The following AOX1 variants were observed in gnomAD, a reference collection of about 807,000 sequenced individuals.
AOX1 encodes aldehyde oxidase 1.
AOX1 carries 153 observed loss-of-function variants against 169.5 expected under a neutral mutation model. That is an observed-to-expected ratio of 0.90 (90% CI 0.79 to 1.03). AOX1 has a LOEUF of 1.03. Among genes scored for constraint, AOX1 ranks in the 50% least tolerant of loss-of-function variants. The pLI is 0.00. For missense variants in AOX1, 1,656 were observed against 1,663.9 expected, an observed-to-expected ratio of 1.00 and a Z score of 0.08; for synonymous variants, 562 against 581.9, an observed-to-expected ratio of 0.97 and a Z score of 0.49.
At chr2:200,644,074 C>T (rs1313117474) in intron 25 of AOX1, among the ~76,000 whole-genome samples, 2 of 152,150 alleles carry the variant, frequency 1.3e-5, no homozygotes, top group South Asian at 2.1e-4. Context: ...TTAATTAGCT[C>T]CCAGCTATTT....
chr2:200,599,537 A>G lies in AOX1; in HGVS notation c.310-83A>G, dbSNP rs372127851. The G allele has an allele frequency of 1.3e-4, 146 of 1,110,654 alleles. No individual in the cohort carries two copies. The African/African-American group carries it at 2.1e-3, about 16-fold the overall frequency. The allele number at this position is 1,110,654 out of a possible 1,614,324, so 68.8% of individuals were successfully genotyped here. Reference sequence around the variant, plus strand: ...TAACATGCAGACAAATCACCTGGGGATCTTGCTAGAATGCAGGCTCTAATT... The same window carrying G: ...TAACATGCAGACAAATCACCTGGGGGTCTTGCTAGAATGCAGGCTCTAATT... On this transcript the variant is annotated intron_variant, in intron 4 of 34. Transcript: ENST00000374700.
rs2034941578 is a variant in AOX1 at position 200,623,844 on chromosome 2, G to T, written c.2002-17G>T. On this transcript the variant is annotated splice_polypyrimidine_tract_variant and intron_variant, in intron 18 of 34. Coordinates refer to ENST00000374700, the MANE Select transcript of AOX1 (RefSeq NM_001159.4). ...ATGCCTGCCCTCCTTGACAACAAAGGTCTTTCTGTGTCGTAGGTGTTCTGT... is the reference window on the plus strand; with the variant it reads ...ATGCCTGCCCTCCTTGACAACAAAGTTCTTTCTGTGTCGTAGGTGTTCTGT... 6.2e-7 allele frequency: 1 copy of T among 1,613,262 alleles called. No individual in the cohort carries two copies. Among genetic ancestry groups the T allele is most frequent in the East Asian group, 2.2e-5 (1 of 44,896 alleles).
intron 25 of AOX1, among the ~76,000 whole-genome samples, chr2:200,648,019 A>G (rs1395665026): frequency 1.3e-5 from 2 of 152,132 alleles, no homozygotes; most frequent in Non-Finnish European, 2.9e-5. Flanking sequence ...ATTTCTTTGA[A>G]TTGGGCTTTG....
At chr2:200,607,689 T>G (rs548840956) in intron 10 of AOX1, among the ~76,000 whole-genome samples, 1 of 152,288 alleles carries the variant, frequency 6.6e-6, no homozygotes, top group Non-Finnish European at 1.5e-5. Flanking sequence ...GCAGCACTAT[T>G]TACAATAGCA....
chr2:200,652,646 A>G (rs1478349500), intron 26 of AOX1, among the ~76,000 whole-genome samples: 1 of 152,142 alleles, frequency 6.6e-6, no homozygotes, highest in Non-Finnish European at 1.5e-5. Flanking sequence ...AAATCCTCTC[A>G]CGTTTGGCCG....
chr2:200,627,522 C>G, intron 20 of AOX1, 73 bp downstream of exon 20: 1 of 1,129,584 alleles, frequency 8.9e-7, no homozygotes, highest in Non-Finnish European at 1.3e-6. Flanking sequence ...CCTTTGTCTT[C>G]TGGAAATCAT....
At chr2:200,601,232 C>G (rs777655927) in intron 5 of AOX1, among the ~76,000 whole-genome samples, 1 of 151,880 alleles carries the variant, frequency 6.6e-6, no homozygotes, top group Non-Finnish European at 1.5e-5. Flanking sequence ...ACTACATGAG[C>G]CCACTTATAT....
At chr2:200,670,477 G>C in intron 34 of AOX1, 152 bp from the exon 35 acceptor site, 1 of 636,360 alleles carries the variant, frequency 1.6e-6, no homozygotes, top group Non-Finnish European at 2.8e-6. Flanking sequence ...TCCTCCCCTG[G>C]CTTCCTCTAT....
In AOX1 at chr2:200,609,610, TTTTG is replaced by T. The variant is rs367715404; in HGVS notation, c.1153+212_1153+215del. On this transcript the variant is annotated intron_variant, in intron 12 of 34. Coordinates refer to ENST00000374700, the MANE Select transcript of AOX1 (RefSeq NM_001159.4). ...TTTCTTCCCCTGTGTCTTTCTGGTTTTTTGTTTGTTTGTTTGTTTTTCCTCATAC... is the reference window on the plus strand; with the variant it reads ...TTTCTTCCCCTGTGTCTTTCTGGTTTTTTGTTTGTTTGTTTTTCCTCATAC... Among the ~76,000 whole-genome samples the T allele has an allele frequency of 2.9e-3, 449 of 152,298 alleles. 4 individuals are homozygous for T. The highest frequency in any genetic ancestry group is 0.01 in the African/African-American group (418 of 41,570).
At chr2:200,660,127 C>A in intron 29 of AOX1, 58 bp downstream of exon 29, 2 of 1,372,746 alleles carry the variant, frequency 1.5e-6, no homozygotes, top group Non-Finnish European at 2.1e-6. Flanking sequence ...GGGAGGAGAG[C>A]AAGAGCAATG....
rs770837985 is a variant in AOX1, at chr2:200,656,853, G to A, written c.3087G>A (p.Leu1029=). The part of the protein sequence containing the change: ...GSRAAGQAAA[L]VHIYLDGSVL... ...TCTTTTCTGCTCAGGCTGCTGCCTT[G>A]GTTCACATTTATCTTGATGGCTCTG... The change falls in exon 27 of 35, where the codon TTG becomes TTA. Residue 1029 remains leucine (L), a synonymous_variant. Coordinates refer to ENST00000374700, the MANE Select transcript of AOX1 (RefSeq NM_001159.4). 8.2e-6 allele frequency: 13 copies of A among 1,579,802 alleles called. No homozygotes were observed. Among genetic ancestry groups the A allele is most frequent in the Middle Eastern group, 1.7e-4 (1 of 5,976 alleles).
chr2:200,664,958 A>G (rs2035898819), intron 31 of AOX1, among the ~76,000 whole-genome samples: 1 of 152,136 alleles, frequency 6.6e-6, no homozygotes, highest in African/African-American at 2.4e-5. Context: ...GGCTGGGGCA[A>G]CAGTCATCTC....
intron 5 of AOX1, 93 bp from the exon 6 acceptor site, chr2:200,602,191 T>G (rs927928073): frequency 1.0e-6 from 1 of 990,912 alleles, no homozygotes; most frequent in East Asian, 2.5e-5. Context: ...AGATCTTTCC[T>G]CTATGATAGG....
intron 2 of AOX1, 28 bp downstream of exon 2, chr2:200,593,231 ATG>A: frequency 3.2e-5 from 51 of 1,570,358 alleles, no homozygotes; most frequent in Non-Finnish European, 3.9e-5. Flanking sequence ...TTGACTGTGT[ATG>A]TGTGTGTGTA....
Position 200,642,660 on chromosome 2 carries a change from T to C in AOX1, c.2706T>C (p.Asn902=), listed in dbSNP as rs772188519. The change falls in exon 25 of 35, where the codon AAT becomes AAC. Residue 902 remains asparagine, a synonymous_variant. Transcript: ENST00000374700. ...LKMDNAYKFP[N]LRCRGWACRT... The stretch of plus-strand genomic sequence containing the variant: ...TGGACAATGCTTACAAGTTTCCCAA[T>C]CTCCGCTGCCGGGGTTGGGCATGCA... The C allele has an allele frequency of 6.2e-7, 1 of 1,614,118 alleles. No individual in the cohort carries two copies. The highest frequency in any genetic ancestry group is 1.7e-5 in the Admixed American group (1 of 60,014).
At chr2:200,612,474 C>A in intron 13 of AOX1, 135 bp from the exon 14 acceptor site, 1 of 794,706 alleles carries the variant, frequency 1.3e-6, no homozygotes, top group South Asian at 1.7e-5. Context: ...AACACACACA[C>A]ACTACCTGGT....
rs765435596 is a variant in AOX1 at position 200,627,338 on chromosome 2, C to T, written c.2125-15C>T. 8 of 1,595,736 alleles carry T rather than the reference C, an allele frequency of 5.0e-6. No individual in the cohort carries two copies. The highest frequency in any genetic ancestry group is 1.7e-4 in the Middle Eastern group (1 of 6,046). On this transcript the variant is annotated splice_polypyrimidine_tract_variant and intron_variant, in intron 19 of 34. Transcript: ENST00000374700. Reference sequence around the variant, plus strand: ...CTCTTGCCCAAGCTGCCTCATTCCTCTGTTCTCTTTCTAGGAAAGTATACA... The same window carrying T: ...CTCTTGCCCAAGCTGCCTCATTCCTTTGTTCTCTTTCTAGGAAAGTATACA...
intron 31 of AOX1, 146 bp from the exon 32 acceptor site, chr2:200,666,540 TA>T: frequency 2.2e-6 from 1 of 464,034 alleles, no homozygotes; most frequent in Non-Finnish European, 3.7e-6. Flanking sequence ...CTTTGTCCTA[TA>T]ATAAAATCTT....
Position 200,634,922 on chromosome 2 carries a change from T to C in AOX1, c.2346+7T>C. On this transcript the variant is annotated splice_region_variant and intron_variant, in intron 21 of 34. Transcript: ENST00000374700. Reference sequence around the variant, plus strand: ...GTTTCCCAAATATATACAGGTAACATGGGGCCATTGTGGAGAGGACATGGC... The same window carrying C: ...GTTTCCCAAATATATACAGGTAACACGGGGCCATTGTGGAGAGGACATGGC... 1 of 1,613,726 alleles carries C rather than the reference T, an allele frequency of 6.2e-7. No individual in the cohort carries two copies. Among genetic ancestry groups the C allele is most frequent in the South Asian group, 1.1e-5 (1 of 91,016 alleles).
Sources: allele counts gnomAD v4.1 joint callset (sites outside exome capture counted in the v4.1 genomes callset), GRCh38; gene constraint gnomAD v4.1.1; transcripts MANE v1.5; gene names NCBI Gene and HGNC (gene_info 2026-07-23, HGNC 2026-07-21).